Variants in CADPS observed in about 807,000 individuals in gnomAD.
CADPS encodes calcium-dependent secretion activator 1.
CADPS carries 57 observed loss-of-function variants against 167.3 expected under a neutral mutation model. That is an observed-to-expected ratio of 0.34 (90% CI 0.28 to 0.42). The LOEUF is 0.42. Ranked by LOEUF, CADPS falls within the 20% of genes least tolerant of loss-of-function variation. CADPS has a pLI of 1.00. For missense variants in CADPS, 1,414 were observed against 1,738.1 expected (o/e 0.81, Z 3.32); for synonymous variants, 676 against 635.3 (o/e 1.06, Z -0.96).
intron 13 of CADPS, among the ~76,000 whole-genome samples, chr3:62,524,278 C>A (rs1425734544): frequency 6.6e-6 from 1 of 152,112 alleles, no homozygotes; most frequent in Non-Finnish European, 1.5e-5. Context: ...ATGGTTTGTA[C>A]AATCCTATGT....
At chr3:62,461,837 T>C (rs1243809592) in intron 26 of CADPS, among the ~76,000 whole-genome samples, 1 of 152,168 alleles carries the variant, frequency 6.6e-6, no homozygotes, top group Non-Finnish European at 1.5e-5. Context: ...TAATTGCCTG[T>C]CTCCTTTACT....
intron 18 of CADPS, among the ~76,000 whole-genome samples, chr3:62,495,590 A>G (rs976942261): frequency 2.0e-5 from 3 of 152,208 alleles, no homozygotes; most frequent in Admixed American, 2.0e-4. Context: ...TCAAAGACAA[A>G]GATGTGTGCT....
At position 62,602,765 on chromosome 3, in the gene CADPS, C is replaced by G. The variant is rs1008115256; in HGVS notation, c.1326-10017G>C. On this transcript the variant is annotated intron_variant, in intron 6 of 29. Transcript: ENST00000383710. The surrounding 1 kb of genome is among the most constrained non-coding windows in gnomAD (Gnocchi z 4.4). ...ACATTTCCACTGGAACGTCTCCTCT[C>G]CAGGAGTCTGAGATCAAATGTGTCC... is the stretch of plus-strand genomic sequence containing the variant. Among the ~76,000 whole-genome samples the G allele has an allele frequency of 2.0e-5, 3 of 152,154 alleles. No homozygotes were observed. Among genetic ancestry groups the G allele is most frequent in the African/African-American group, 4.8e-5 (2 of 41,442 alleles).
In CADPS at chr3:62,432,523, C is replaced by T. The variant is rs575225199; in HGVS notation, c.3777+5581G>A. 6.6e-4 allele frequency among the ~76,000 whole-genome samples: 101 copies of T among 152,206 alleles called. 2 individuals are homozygous for T. The South Asian group carries it at 0.02, about 30-fold the overall frequency. On this transcript the variant is annotated intron_variant, in intron 28 of 29. Transcript: ENST00000383710. ...AATGTCTTAAAGTGATGGGGAGACT[C>T]ATAGCACCTTAACATGAATATGAAA... is the stretch of plus-strand genomic sequence containing the variant.
chr3:62,612,119 A>G (rs1307417236), intron 6 of CADPS, among the ~76,000 whole-genome samples: 2 of 152,172 alleles, frequency 1.3e-5, no homozygotes, highest in Non-Finnish European at 2.9e-5. Context: ...TGTCAGAATG[A>G]CTTTCATTCA....
chr3:62,827,154 A>T (rs1354033217), intron 1 of CADPS, among the ~76,000 whole-genome samples: 1 of 152,172 alleles, frequency 6.6e-6, no homozygotes, highest in East Asian at 1.9e-4. Context: ...CCCCCCACCC[A>T]GGTGTGTAAA....
chr3:62,565,915 CTG>C (rs2080086254), intron 9 of CADPS, among the ~76,000 whole-genome samples: 2 of 152,170 alleles, frequency 1.3e-5, no homozygotes, highest in African/African-American at 2.4e-5. Context: ...AAAGTAGACT[CTG>C]TGTGTATGTG....
intron 4 of CADPS, among the ~76,000 whole-genome samples, chr3:62,653,843 C>T (rs1275808136): frequency 6.6e-6 from 1 of 152,078 alleles, no homozygotes; most frequent in African/African-American, 2.4e-5. Flanking sequence ...CGCAACGTCA[C>T]AGTACCAGTT....
intron 3 of CADPS, among the ~76,000 whole-genome samples, chr3:62,704,997 C>T (rs1456073513): frequency 2.0e-5 from 3 of 152,082 alleles, no homozygotes; most frequent in Non-Finnish European, 4.4e-5. Context: ...ATCAGTGAAC[C>T]AAGCCCACCA....
At chr3:62,842,488 TTTAA>T (rs1392431873) in intron 1 of CADPS, among the ~76,000 whole-genome samples, 1 of 152,218 alleles carries the variant, frequency 6.6e-6, no homozygotes, top group Non-Finnish European at 1.5e-5. Flanking sequence ...AGACTATGTG[TTTAA>T]TTTTCTTCAT....
At chr3:62,401,538 A>C (rs968948286) in intron 29 of CADPS, among the ~76,000 whole-genome samples, 5 of 152,224 alleles carry the variant, frequency 3.3e-5, no homozygotes. Context: ...TGATGCAAGA[A>C]AGAAAGCCAA....
intron 1 of CADPS, among the ~76,000 whole-genome samples, chr3:62,790,175 A>G (rs1476650039): frequency 6.6e-6 from 1 of 152,212 alleles, no homozygotes; most frequent in East Asian, 1.9e-4. Context: ...GAAAATGTTC[A>G]TAAAGAGTAT....
chr3:62,740,009 T>C (rs1258637660), intron 3 of CADPS, among the ~76,000 whole-genome samples: 3 of 152,218 alleles, frequency 2.0e-5, no homozygotes, highest in African/African-American at 7.2e-5. Flanking sequence ...CCAACAACCC[T>C]TGAAATCAGT....
At chr3:62,628,580 T>TCA (rs1251188679) in intron 6 of CADPS, among the ~76,000 whole-genome samples, 18 of 127,106 alleles carry the variant, frequency 1.4e-4, no homozygotes, top group African/African-American at 4.0e-4. Context: ...TTCTACTCCT[T>TCA]TACACACACA....
At chr3:62,641,943 A>G (rs2067505368) in intron 6 of CADPS, among the ~76,000 whole-genome samples, 2 of 152,174 alleles carry the variant, frequency 1.3e-5, no homozygotes. Context: ...TATACAACTG[A>G]TCCAATATGA....
chr3:62,697,810 G>T (rs2151457771), intron 3 of CADPS, among the ~76,000 whole-genome samples: 1 of 152,168 alleles, frequency 6.6e-6, no homozygotes, highest in Non-Finnish European at 1.5e-5. Flanking sequence ...GCAGCAATAA[G>T]GTGGTATCAC....
chr3:62,626,445 A>G, intron 6 of CADPS: 1 of 698,480 alleles, frequency 1.4e-6, no homozygotes, highest in South Asian at 1.5e-5. Context: ...TATTCAGTAA[A>G]CAGAGATTGG....
intron 28 of CADPS, among the ~76,000 whole-genome samples, chr3:62,409,473 G>T (rs1013372693): frequency 6.6e-6 from 1 of 152,190 alleles, no homozygotes; most frequent in Non-Finnish European, 1.5e-5. Flanking sequence ...GGGACTCGGG[G>T]GCATCCCCAT....
chr3:62,724,634 C>T (rs1016143432), intron 3 of CADPS, among the ~76,000 whole-genome samples: 4 of 152,104 alleles, frequency 2.6e-5, no homozygotes, highest in Non-Finnish European at 5.9e-5. Flanking sequence ...TGGTGTTATG[C>T]GTCACACACA....
Sources: allele counts gnomAD v4.1 joint callset (sites outside exome capture counted in the v4.1 genomes callset), GRCh38; gene constraint gnomAD v4.1.1; non-coding constraint Gnocchi (gnomAD v3.1); transcripts MANE v1.5; gene names NCBI Gene and HGNC (gene_info 2026-07-23, HGNC 2026-07-21).